PCDHA1: variants seen among roughly 807,000 people sequenced by gnomAD.
PCDHA1 encodes the protein protocadherin alpha 1.
Under a neutral mutation model 61.3 loss-of-function variants are expected in PCDHA1, and 42 were observed. That is an observed-to-expected ratio of 0.69 (90% CI 0.54 to 0.89). The LOEUF is 0.89. PCDHA1 is among the 40% of genes least tolerant of loss of function. The probability of loss-of-function intolerance (pLI) is 0.00; values close to 1 mark genes in which losing one functional copy is unlikely to be tolerated. For synonymous variants in PCDHA1, 610 were observed against 553.8 expected (o/e 1.10, Z -1.43); for missense variants, 1,256 against 1,235.3 (o/e 1.02, Z -0.25).
At chr5:140,822,095 T>C in intron 1 of PCDHA1, 3 of 1,614,022 alleles carry the variant, frequency 1.9e-6, no homozygotes, top group Non-Finnish European at 2.5e-6. Flanking sequence ...CACCTGGAGG[T>C]GATCGTGGAC....
intron 1 of PCDHA1, chr5:140,829,756 G>T (rs1251312679): frequency 1.9e-5 from 31 of 1,613,620 alleles, no homozygotes; most frequent in Non-Finnish European, 2.5e-5. Context: ...AGGTGTTCGT[G>T]CTGGACGAGA....
At chr5:140,912,689 CA>C (rs781833135) in intron 1 of PCDHA1, among the ~76,000 whole-genome samples, 5 of 152,112 alleles carry the variant, frequency 3.3e-5, no homozygotes, top group African/African-American at 4.8e-5. Context: ...TTCCAGGTCT[CA>C]GGGGGAATGC....
intron 1 of PCDHA1, among the ~76,000 whole-genome samples, chr5:140,879,169 T>C (rs2057884518): frequency 6.6e-6 from 1 of 152,156 alleles, no homozygotes; most frequent in Non-Finnish European, 1.5e-5. Flanking sequence ...TTTTAATAAA[T>C]TAGGTATCAA....
At chr5:140,857,744 G>T (rs1374937613) in intron 1 of PCDHA1, 1 of 1,597,416 alleles carries the variant, frequency 6.3e-7, no homozygotes, top group Non-Finnish European at 8.6e-7. Context: ...CGCGCTGCTG[G>T]CGTCTCCCGC....
intron 1 of PCDHA1, among the ~76,000 whole-genome samples, chr5:140,932,839 C>T (rs138437913): frequency 6.6e-6 from 1 of 151,940 alleles, no homozygotes; most frequent in East Asian, 1.9e-4. Flanking sequence ...GACAATGTGT[C>T]TCATAATGTT....
intron 1 of PCDHA1, chr5:140,850,124 G>A: frequency 6.3e-7 from 1 of 1,595,944 alleles, no homozygotes; most frequent in Non-Finnish European, 8.6e-7. Context: ...CGGGCGTGCC[G>A]CCTCTGGGCA....
intron 1 of PCDHA1, among the ~76,000 whole-genome samples, chr5:140,957,571 G>C (rs2095367794): frequency 6.6e-6 from 1 of 152,186 alleles, no homozygotes; most frequent in South Asian, 2.1e-4. Context: ...AGGGACTACT[G>C]TACTTTTAAC....
intron 1 of PCDHA1, chr5:140,876,879 G>T (rs782299548): frequency 6.2e-7 from 1 of 1,614,150 alleles, no homozygotes; most frequent in Non-Finnish European, 8.5e-7. Context: ...AGAACAACCC[G>T]CCGGGCTGCC....
At chr5:140,926,268 T>A (rs1166651492) in intron 1 of PCDHA1, 1 of 152,208 alleles carries the variant, frequency 6.6e-6, no homozygotes, top group Non-Finnish European at 1.5e-5. Context: ...TCTCGCCGCC[T>A]CCGCTCGGCA....
At chr5:140,959,754 T>C (rs1265254392) in intron 1 of PCDHA1, among the ~76,000 whole-genome samples, 1 of 152,222 alleles carries the variant, frequency 6.6e-6, no homozygotes, top group East Asian at 1.9e-4. Flanking sequence ...TAAAGTATAT[T>C]TTAATATTCA....
At chr5:140,824,377 T>A in intron 1 of PCDHA1, 1 of 566,840 alleles carries the variant, frequency 1.8e-6, no homozygotes, top group Non-Finnish European at 3.1e-6. Context: ...GAATTTTGCA[T>A]CTCTAAAAAT....
At chr5:140,823,378 AGC>A in intron 1 of PCDHA1, 1 of 1,612,736 alleles carries the variant, frequency 6.2e-7, no homozygotes, top group Non-Finnish European at 8.5e-7. Context: ...GTTCCAGGTG[AGC>A]GCGCGCGACG....
At chr5:140,846,379 T>C (rs1554141291) in intron 1 of PCDHA1, among the ~76,000 whole-genome samples, 2 of 135,592 alleles carry the variant, frequency 1.5e-5, no homozygotes, top group South Asian at 2.3e-4. Context: ...CTTTCTTTTT[T>C]TTTTTTTTTT....
chr5:140,794,871 A>C, intron 1 of PCDHA1: 1 of 1,324,720 alleles, frequency 7.5e-7, no homozygotes, highest in Non-Finnish European at 1.0e-6. Context: ...AAGCGGAGGA[A>C]TAAGAGAAGC....
At chr5:140,997,406 C>T (rs2097769706) in intron 3 of PCDHA1, among the ~76,000 whole-genome samples, 1 of 152,094 alleles carries the variant, frequency 6.6e-6, no homozygotes, top group Admixed American at 6.6e-5. Flanking sequence ...TATCGTATGG[C>T]CTATTTCTCC....
rs145175505 is a variant in PCDHA1 at position 140,843,176 on chromosome 5, C to G, written c.2394+54492C>G. On this transcript the variant is annotated intron_variant, in intron 1 of 3. Coordinates refer to ENST00000504120, the MANE Select transcript of PCDHA1 (RefSeq NM_018900.4). Reference sequence around the variant, plus strand: ...GCTGCAGCCAGCTGCAAGCAGCCCTCGCATCCCGTTCCGCGTGGGGCTGTA... The same window carrying G: ...GCTGCAGCCAGCTGCAAGCAGCCCTGGCATCCCGTTCCGCGTGGGGCTGTA... 2 of 1,595,968 alleles carry G rather than the reference C, an allele frequency of 1.3e-6. No homozygotes were observed. Among genetic ancestry groups the G allele is most frequent in the Non-Finnish European group, 1.7e-6 (2 of 1,165,618 alleles).
chr5:140,828,011 G>A, intron 1 of PCDHA1: 1 of 1,508,268 alleles, frequency 6.6e-7, no homozygotes, highest in Admixed American at 2.2e-5. Context: ...AGAAGAAATG[G>A]ATTAATAAAT....
intron 3 of PCDHA1, among the ~76,000 whole-genome samples, chr5:141,000,877 C>T (rs2097970762): frequency 6.6e-6 from 1 of 151,952 alleles, no homozygotes; most frequent in Non-Finnish European, 1.5e-5. Context: ...CATTGTACTC[C>T]AACCTGGGCA....
At chr5:140,797,128 C>T in intron 1 of PCDHA1, 1 of 1,613,986 alleles carries the variant, frequency 6.2e-7, no homozygotes, top group Non-Finnish European at 8.5e-7. Context: ...CACTGCGCTG[C>T]GGTGCTCGGT....
Sources: gnomAD v4.1 joint callset for allele counts (sites outside exome capture counted in the v4.1 genomes callset) on GRCh38, gnomAD v4.1.1 for gene constraint, MANE v1.5 for transcripts, NCBI Gene and HGNC (gene_info 2026-07-23, HGNC 2026-07-21) for gene names.